The following CRYBG3 variants were observed in gnomAD, a reference collection of about 807,000 sequenced individuals.
CRYBG3 encodes the protein very large A-kinase anchor protein.
Under a neutral mutation model 244.2 loss-of-function variants are expected in CRYBG3, and 127 were observed. The observed-to-expected ratio is 0.52, with a 90% CI of 0.45 to 0.60. CRYBG3 has a LOEUF of 0.60. Ranked by LOEUF, CRYBG3 falls within the 20% of genes least tolerant of loss-of-function variation. The pLI is 0.00. For synonymous variants in CRYBG3, 1,132 were observed against 1,195.8 expected, an observed-to-expected ratio of 0.95 and a Z score of 1.10; for missense variants, 3,325 against 3,442.5, an observed-to-expected ratio of 0.97 and a Z score of 0.85.
intron 20 of CRYBG3, among the ~76,000 whole-genome samples, chr3:97,941,525 G>C (rs2040231015): frequency 6.6e-6 from 1 of 151,766 alleles, no homozygotes; most frequent in Non-Finnish European, 1.5e-5. Flanking sequence ...TAAACACAAA[G>C]GTTATCACAT....
At chr3:97,939,340 A>G (rs2040200799) in intron 19 of CRYBG3, among the ~76,000 whole-genome samples, 1 of 152,036 alleles carries the variant, frequency 6.6e-6, no homozygotes, top group African/African-American at 2.4e-5. Context: ...GAAATCCAAC[A>G]AAGGAATTCT....
intron 15 of CRYBG3, among the ~76,000 whole-genome samples, chr3:97,911,493 C>T (rs2039871602): frequency 6.6e-6 from 1 of 152,186 alleles, no homozygotes; most frequent in South Asian, 2.1e-4. Context: ...TTGTATATAA[C>T]TGTAAGCTGC....
intron 1 of CRYBG3, among the ~76,000 whole-genome samples, chr3:97,833,464 A>G (rs935546898): frequency 1.3e-5 from 2 of 152,184 alleles, no homozygotes; most frequent in African/African-American, 4.8e-5. Flanking sequence ...TCACAAGAAC[A>G]GAAAACCAAA....
chr3:97,904,235 T>C (rs996724678), intron 15 of CRYBG3, among the ~76,000 whole-genome samples: 1 of 152,178 alleles, frequency 6.6e-6, no homozygotes, highest in Non-Finnish European at 1.5e-5. Flanking sequence ...ATTTTGAGGA[T>C]TGATAAGGTG....
intron 15 of CRYBG3, among the ~76,000 whole-genome samples, chr3:97,907,477 G>A (rs1435734288): frequency 2.0e-5 from 3 of 150,866 alleles, no homozygotes; most frequent in Non-Finnish European, 4.4e-5. Flanking sequence ...AGTCTTGGGA[G>A]AGTGTATGTG....
intron 17 of CRYBG3, among the ~76,000 whole-genome samples, chr3:97,926,703 A>G (rs59313286): frequency 6.6e-6 from 1 of 152,210 alleles, no homozygotes; most frequent in East Asian, 1.9e-4. Flanking sequence ...CCTAGATTTG[A>G]TAATTAACTT....
Position 97,886,765 on chromosome 3 carries a change from A to C in CRYBG3, c.7287A>C (p.Gly2429=), listed in dbSNP as rs772446465. Reference sequence around the variant, plus strand: ...CTGTGTCCTTCACTGTGAAGTCAGGAGTGTACGTATCAGTTCCTTTTTATT... The same window carrying C: ...CTGTGTCCTTCACTGTGAAGTCAGGCGTGTACGTATCAGTTCCTTTTTATT... ...SKSVSFTVKS[G]VWLAYPDINF... is the part of the protein sequence containing the mutation. Residue 2429 remains glycine, a splice_region_variant and synonymous_variant, in exon 8 of 22, where the codon GGA becomes GGC. Transcript: ENST00000389622. 2.5e-6 allele frequency: 4 copies of C among 1,592,732 alleles called. No individual in the cohort carries two copies. Among genetic ancestry groups the C allele is most frequent in the Admixed American group, 1.8e-5 (1 of 54,354 alleles).
chr3:97,859,204 G>C (rs892085855), intron 2 of CRYBG3, among the ~76,000 whole-genome samples: 2 of 152,134 alleles, frequency 1.3e-5, no homozygotes, highest in African/African-American at 4.8e-5. Flanking sequence ...TGAGTGGTGT[G>C]TGTATGCCAT....
intron 1 of CRYBG3, among the ~76,000 whole-genome samples, chr3:97,837,537 G>C (rs2038751475): frequency 6.6e-6 from 1 of 152,152 alleles, no homozygotes; most frequent in South Asian, 2.1e-4. Context: ...AAAATCTCAA[G>C]TGGGAGGATA....
In CRYBG3 at chr3:97,871,980, CTCT is replaced by C; in HGVS notation, c.787_789del (p.Ser264del). On this transcript the variant is annotated inframe_deletion, in exon 4 of 22. Coordinates refer to ENST00000389622, the MANE Select transcript of CRYBG3 (RefSeq NM_153605.4). ...TGGACAGAGAAAATGAAAGTTCTGACTCTAGTACAAACAGACACATTGACCCTG... is the reference window on the plus strand; with the variant it reads ...TGGACAGAGAAAATGAAAGTTCTGACAGTACAAACAGACACATTGACCCTG... 2 of 1,535,792 alleles carry C rather than the reference CTCT, an allele frequency of 1.3e-6. No individual in the cohort carries two copies. Among genetic ancestry groups the C allele is most frequent in the Non-Finnish European group, 1.7e-6 (2 of 1,146,742 alleles).
At chr3:97,854,731 G>T (rs1226664136) in intron 2 of CRYBG3, among the ~76,000 whole-genome samples, 1 of 151,594 alleles carries the variant, frequency 6.6e-6, no homozygotes, top group Non-Finnish European at 1.5e-5. Flanking sequence ...CTGAATTCAT[G>T]TATCAGATGT....
At chr3:97,896,171 AT>A in intron 12 of CRYBG3, 86 bp downstream of exon 12, 1 of 1,259,722 alleles carries the variant, frequency 7.9e-7, no homozygotes, top group Non-Finnish European at 1.1e-6. Flanking sequence ...AGAACATGAG[AT>A]TATAAAATAT....
At chr3:97,878,567 G>A (rs929341928) in intron 4 of CRYBG3, among the ~76,000 whole-genome samples, 1 of 152,162 alleles carries the variant, frequency 6.6e-6, no homozygotes, top group African/African-American at 2.4e-5. Context: ...AATTTAAAAA[G>A]CATAATACTG....
chr3:97,865,877 A>G (rs1180150308), intron 3 of CRYBG3, among the ~76,000 whole-genome samples: 1 of 152,208 alleles, frequency 6.6e-6, no homozygotes, highest in African/African-American at 2.4e-5. Flanking sequence ...AGATCAGTAG[A>G]TTAAAATTTA....
At chr3:97,864,832 A>G (rs3856567) in intron 3 of CRYBG3, among the ~76,000 whole-genome samples, 185 bp downstream of exon 3, 69,449 of 151,852 alleles carry the variant, frequency 0.46, 16,752 homozygotes, top group East Asian at 0.67. Flanking sequence ...AGAGAACCAT[A>G]CAGGTAATCT....
chr3:97,871,767 T>C, intron 3 of CRYBG3, 75 bp from the exon 4 acceptor site: 2 of 1,085,784 alleles, frequency 1.8e-6, no homozygotes, highest in South Asian at 2.0e-5. Context: ...AGATGTACTT[T>C]TACCACAGTT....
At chr3:97,841,257 T>G (rs1441224000) in intron 1 of CRYBG3, among the ~76,000 whole-genome samples, 1 of 135,290 alleles carries the variant, frequency 7.4e-6, no homozygotes, top group African/African-American at 3.3e-5. Flanking sequence ...TATGTATATA[T>G]GTGTATACAC....
At chr3:97,828,800 C>A (rs1331872779) in intron 1 of CRYBG3, among the ~76,000 whole-genome samples, 3 of 147,222 alleles carry the variant, frequency 2.0e-5, no homozygotes, top group Non-Finnish European at 4.5e-5. Context: ...TGTGCTCCAG[C>A]CTGGGCAATA....
intron 1 of CRYBG3, among the ~76,000 whole-genome samples, chr3:97,835,122 T>C (rs2038713902): frequency 6.6e-6 from 1 of 152,280 alleles, no homozygotes; most frequent in African/African-American, 2.4e-5. Context: ...CAATAATGCG[T>C]ATATTTATAT....
Sources: gnomAD v4.1 joint callset for allele counts (sites outside exome capture counted in the v4.1 genomes callset) on GRCh38, gnomAD v4.1.1 for gene constraint, MANE v1.5 for transcripts, NCBI Gene and HGNC (gene_info 2026-07-23, HGNC 2026-07-21) for gene names.